Variants in FAM151A observed in about 807,000 individuals in gnomAD.
FAM151A encodes protein FAM151A.
FAM151A carries 41 observed loss-of-function variants against 40.4 expected under a neutral mutation model. The observed-to-expected ratio is 1.01, with a 90% CI of 0.79 to 1.32. The LOEUF (loss-of-function observed/expected upper bound fraction) is 1.32, where lower values mean the gene tolerates loss of function less well. Among genes scored for constraint, FAM151A ranks in the 40% most tolerant of loss-of-function variants. The probability of loss-of-function intolerance (pLI) is 0.00; values close to 1 mark genes in which losing one functional copy is unlikely to be tolerated. For missense variants in FAM151A, 740 were observed against 740.4 expected, an observed-to-expected ratio of 1.00 and a Z score of 0.01; for synonymous variants, 337 against 312.5, an observed-to-expected ratio of 1.08 and a Z score of -0.83.
At chr1:54,610,080 G>A in intron 7 of FAM151A, 139 bp from the exon 8 acceptor site, 1 of 1,436,552 alleles carries the variant, frequency 7.0e-7, no homozygotes, top group Non-Finnish European at 9.1e-7. Context: ...CCAGTTTTGG[G>A]CTCCAGGTGG....
rs374572716 is a variant in FAM151A, at chr1:54,623,286, C to T, written c.110G>A (p.Arg37Gln). The change falls in exon 1 of 8, where the codon CGG becomes CAG. Residue 37 changes from arginine (R) to glutamine (Q), a missense_variant. Coordinates refer to ENST00000302250, the MANE Select transcript of FAM151A (RefSeq NM_176782.3). ...IAAIVLAITL[R>Q]RPGCELEACS... is the part of the protein sequence containing the mutation. Reference sequence around the variant, plus strand: ...TGGGGGGAGGCACCTACCTGGCCGCCGCAGGGTGATGGCAAGGACTATTGC... The same window carrying T: ...TGGGGGGAGGCACCTACCTGGCCGCTGCAGGGTGATGGCAAGGACTATTGC... 8.2e-5 allele frequency: 132 copies of T among 1,613,558 alleles called. No individual in the cohort carries two copies. The highest frequency in any genetic ancestry group is 4.9e-4 in the Middle Eastern group (3 of 6,064).
chr1:54,619,434 A>G (rs1321668265), intron 2 of FAM151A, among the ~76,000 whole-genome samples: 1 of 152,130 alleles, frequency 6.6e-6, no homozygotes, highest in East Asian at 1.9e-4. Flanking sequence ...CTCCTGTGAA[A>G]TGTTACCCAT....
intron 1 of FAM151A, among the ~76,000 whole-genome samples, chr1:54,620,765 C>T (rs533392700): frequency 6.7e-6 from 1 of 148,282 alleles, no homozygotes; most frequent in African/African-American, 2.5e-5. Context: ...AGGAGAATCA[C>T]CTGAACCCGA....
chr1:54,622,821 G>A (rs1644243077), intron 1 of FAM151A, among the ~76,000 whole-genome samples: 1 of 132,516 alleles, frequency 7.5e-6, no homozygotes, highest in East Asian at 2.3e-4. Context: ...AGGGTTGGGG[G>A]ATGGAAGAGA....
In FAM151A at chr1:54,613,853, T is replaced by G. The variant is rs576344153; in HGVS notation, c.575+847A>C. Among the ~76,000 whole-genome samples the G allele has an allele frequency of 1.3e-4, 20 of 152,260 alleles. No individual in the cohort carries two copies. In the East Asian group the frequency reaches 3.3e-3, roughly 25 times the overall value. Reference sequence around the variant, plus strand: ...TAAATTGGATGGATGGAGGAAGAGATGGATGGGAAAGAGCCTGGAGCTTAG... The same window carrying G: ...TAAATTGGATGGATGGAGGAAGAGAGGGATGGGAAAGAGCCTGGAGCTTAG... On this transcript the variant is annotated intron_variant, in intron 4 of 7. Transcript: ENST00000302250.
intron 1 of FAM151A, 83 bp downstream of exon 1, chr1:54,623,195 G>T: frequency 1.1e-6 from 1 of 896,678 alleles, no homozygotes; most frequent in Non-Finnish European, 1.8e-6. Flanking sequence ...AAAAGGGACT[G>T]GTCAGAGCTG....
chr1:54,616,578 G>A (rs1195638874), intron 2 of FAM151A, among the ~76,000 whole-genome samples: 2 of 151,894 alleles, frequency 1.3e-5, no homozygotes, highest in South Asian at 4.2e-4. Context: ...CACCATATTG[G>A]CCAGGCTGCT....
rs748055272 is a variant in FAM151A, at chr1:54,612,752, G to A, written c.576-42C>T. On this transcript the variant is annotated intron_variant, in intron 4 of 7. Transcript: ENST00000302250. ...GATGTTGGTCTCACGGAGCTGCAGC[G>A]GCCCCTTCCTCTCCTCTGGGGTCTC... 2.2e-5 allele frequency: 33 copies of A among 1,489,868 alleles called. 1 individual carries two copies. The highest frequency in any genetic ancestry group is 2.2e-4 in the Middle Eastern group (1 of 4,446). 92.3% of individuals were successfully genotyped at this position (1,489,868 alleles called of 1,614,324 possible).
chr1:54,611,156 C>T (rs1292265858), intron 6 of FAM151A: 1 of 539,380 alleles, frequency 1.9e-6, no homozygotes, highest in Non-Finnish European at 2.4e-6. Context: ...ATGTGTGGGT[C>T]AGGCAGGTGG....
rs1327067044 is a variant in FAM151A, at chr1:54,623,267, G to A, written c.118+11C>T. 6 of 1,599,026 alleles carry A rather than the reference G, an allele frequency of 3.8e-6. No homozygotes were observed. The Admixed American group carries it at 5.0e-5, about 13-fold the overall frequency. ...GAAGCCACTCAGGATGACATGGGGG[G>A]AGGCACCTACCTGGCCGCCGCAGGG... is the stretch of plus-strand genomic sequence containing the variant. On this transcript the variant is annotated intron_variant, in intron 1 of 7. Transcript: ENST00000302250.
intron 2 of FAM151A, 24 bp downstream of exon 2, chr1:54,619,840 C>T: frequency 6.2e-7 from 1 of 1,612,174 alleles, no homozygotes; most frequent in Non-Finnish European, 8.5e-7. Flanking sequence ...CCTGGCCTGC[C>T]TCAGTCTTGG....
In FAM151A at chr1:54,617,709, A is replaced by AT. The variant is rs56229276; in HGVS notation, c.263-1538dup. Among the ~76,000 whole-genome samples the AT allele has an allele frequency of 9.8e-3, 545 of 55,754 alleles. 96 individuals are homozygous for AT. Among genetic ancestry groups the AT allele is most frequent in the Non-Finnish European group, 9.8e-3 (323 of 32,898 alleles). The allele number at this position is 55,754 out of a possible 152,430, so 36.6% of individuals were successfully genotyped here. Reference sequence around the variant, plus strand: ...CACTAGGTCTGCAGCAGGGCCTGAGATTTTTTTTTTTTTTTTTTTTTTTTT... The same window carrying AT: ...CACTAGGTCTGCAGCAGGGCCTGAGATTTTTTTTTTTTTTTTTTTTTTTTTT... On this transcript the variant is annotated intron_variant, in intron 2 of 7. Coordinates refer to ENST00000302250, the MANE Select transcript of FAM151A (RefSeq NM_176782.3).
intron 7 of FAM151A, 107 bp from the exon 8 acceptor site, chr1:54,610,048 T>C (rs143545014): frequency 6.9e-7 from 1 of 1,449,068 alleles, no homozygotes; most frequent in East Asian, 2.4e-5. Flanking sequence ...TCAAGGACCT[T>C]GCCTCTCTGG....
rs1644086637 is a variant in FAM151A, at chr1:54,609,564, C to T, written c.1462G>A (p.Gly488Ser). Residue 488 changes from glycine (G) to serine (S), a missense_variant, in exon 8 of 8, where the codon GGC becomes AGC. Gly to Ser is a moderately conservative substitution (Grantham distance 56, BLOSUM62 0). Coordinates refer to ENST00000302250, the MANE Select transcript of FAM151A (RefSeq NM_176782.3). The part of the protein sequence containing the change: ...PGWPEEVLGS[G>S]YREQLLTDML... The stretch of plus-strand genomic sequence containing the variant: ...TCTGTGAGCAGCTGTTCCCTGTAGC[C>T]ACTGCCCAGCACCTCCTCAGGCCAG... 2 of 1,612,700 alleles carry T rather than the reference C, an allele frequency of 1.2e-6. No homozygotes were observed. The highest frequency in any genetic ancestry group is 8.5e-7 in the Non-Finnish European group (1 of 1,180,040).
rs1385581680 is a variant in FAM151A at position 54,623,264 on chromosome 1, G to T, written c.118+14C>A. 5 of 1,592,592 alleles carry T rather than the reference G, an allele frequency of 3.1e-6. No homozygotes were observed. Among genetic ancestry groups the T allele is most frequent in the African/African-American group, 1.3e-5 (1 of 74,560 alleles). On this transcript the variant is annotated intron_variant, in intron 1 of 7. Coordinates refer to ENST00000302250, the MANE Select transcript of FAM151A (RefSeq NM_176782.3). The stretch of plus-strand genomic sequence containing the variant: ...AGGGAAGCCACTCAGGATGACATGG[G>T]GGGAGGCACCTACCTGGCCGCCGCA...
Position 54,611,621 on chromosome 1 carries a change from A to C in FAM151A, c.925T>G (p.Phe309Val). The change falls in exon 6 of 8, where the codon TTC becomes GTC. Residue 309 changes from phenylalanine (F) to valine (V), a missense_variant. Physicochemically the swap from Phe to Val is conservative, Grantham distance 50. Coordinates refer to ENST00000302250, the MANE Select transcript of FAM151A (RefSeq NM_176782.3). ...CTCTCCTTACAGGCCAGCTGCTTGA[A>C]CTGTGACAGGAGAGGCTCAAAGATG... The part of the protein sequence containing the change: ...YDIFEPLLSQ[F>V]KQLALNATRK... 1.2e-6 allele frequency: 2 copies of C among 1,613,916 alleles called. No homozygotes were observed. The highest frequency in any genetic ancestry group is 1.7e-6 in the Non-Finnish European group (2 of 1,179,936).
intron 2 of FAM151A, among the ~76,000 whole-genome samples, chr1:54,618,696 G>A (rs1644199429): frequency 6.6e-6 from 1 of 152,028 alleles, no homozygotes; most frequent in East Asian, 1.9e-4. Flanking sequence ...GAGGGAAGGG[G>A]ACATGGAGTC....
rs1362481658 is a variant in FAM151A at position 54,610,449 on chromosome 1, GACGTCAGGA to G, written c.1038_1046del (p.Pro347_Val349del). 1 of 1,613,534 alleles carries G rather than the reference GACGTCAGGA, an allele frequency of 6.2e-7. No homozygotes were observed. Among genetic ancestry groups the G allele is most frequent in the Non-Finnish European group, 8.5e-7 (1 of 1,179,740 alleles). The stretch of plus-strand genomic sequence containing the variant: ...TTGTTGCTGTTTTACCGCTGCCCTG[GACGTCAGGA>G]ACCAGCCACTCCACATTCAGACCGT... On this transcript the variant is annotated inframe_deletion, in exon 7 of 8. Coordinates refer to ENST00000302250, the MANE Select transcript of FAM151A (RefSeq NM_176782.3).
At position 54,610,960 on chromosome 1, in the gene FAM151A, G is replaced by A; in HGVS notation, c.941-405C>T. 4 of 985,394 alleles carry A rather than the reference G, an allele frequency of 4.1e-6. No individual in the cohort carries two copies. In the South Asian group the frequency reaches 1.4e-4, roughly 35 times the overall value. The allele number at this position is 985,394 out of a possible 1,614,324, so 61.0% of individuals were successfully genotyped here. ...ATCACTGCTTAATGAATACAGTGGA[G>A]GCCTCTGAAACATTAGAGTAACCAG... On this transcript the variant is annotated intron_variant, in intron 6 of 7. Transcript: ENST00000302250.
Sources: gnomAD v4.1 joint callset for allele counts (sites outside exome capture counted in the v4.1 genomes callset) on GRCh38, gnomAD v4.1.1 for gene constraint, MANE v1.5 for transcripts, NCBI Gene and HGNC (gene_info 2026-07-23, HGNC 2026-07-21) for gene names.